The following TMEM132B variants were observed in gnomAD, a reference collection of about 807,000 sequenced individuals.
TMEM132B encodes the protein transmembrane protein 132B.
Under a neutral mutation model 90.8 loss-of-function variants are expected in TMEM132B, and 18 were observed. That is an observed-to-expected ratio of 0.20 (90% CI 0.14 to 0.29). The LOEUF (loss-of-function observed/expected upper bound fraction) is 0.29. TMEM132B is among the 10% of genes least tolerant of loss of function. The pLI, the probability that TMEM132B is intolerant of heterozygous loss-of-function variation, is 1.00. For missense variants in TMEM132B, 1,096 were observed against 1,326.8 expected (o/e 0.83, Z 2.70); for synonymous variants, 504 against 523.3 (o/e 0.96, Z 0.50).
intron 1 of TMEM132B, among the ~76,000 whole-genome samples, chr12:125,346,798 G>A (rs898749072): frequency 1.3e-5 from 2 of 152,326 alleles, no homozygotes; most frequent in Admixed American, 1.3e-4. Context: ...ACTATATCGT[G>A]TGTTTAAATA....
intron 2 of TMEM132B, among the ~76,000 whole-genome samples, chr12:125,385,856 T>C (rs1418668366): frequency 6.6e-6 from 1 of 152,232 alleles, no homozygotes; most frequent in Non-Finnish European, 1.5e-5. Context: ...CCATTGCTTT[T>C]GCACTGACTA....
intron 1 of TMEM132B, among the ~76,000 whole-genome samples, chr12:125,210,696 G>A (rs1873300085): frequency 6.6e-6 from 1 of 152,180 alleles, no homozygotes. Context: ...TGGTGTGGTG[G>A]CTCATGCCTG....
At chr12:125,270,112 T>TTATGTGTG (rs372403246) in intron 1 of TMEM132B, among the ~76,000 whole-genome samples, 1 of 143,144 alleles carries the variant, frequency 7.0e-6, no homozygotes, top group Admixed American at 7.0e-5. Context: ...CACATCTTTG[T>TTATGTGTG]TGTGTGTGTG....
chr12:125,381,255 C>T lies in TMEM132B; in HGVS notation c.959+30912C>T, dbSNP rs151280347. Among the ~76,000 whole-genome samples, 9 of 152,254 alleles carry T rather than the reference C, an allele frequency of 5.9e-5. No individual in the cohort carries two copies. The South Asian group carries it at 1.0e-3, about 18-fold the overall frequency. On this transcript the variant is annotated intron_variant, in intron 2 of 8. Coordinates refer to ENST00000682704, the MANE Select transcript of TMEM132B (RefSeq NM_001366854.1). ...AGACATCTCATGCTGTACAAGTGCA[C>T]GCAAGCTGTGCATGTAGACACAAAG...
chr12:125,608,880 A>G (rs564583568), intron 5 of TMEM132B, among the ~76,000 whole-genome samples: 1 of 152,298 alleles, frequency 6.6e-6, no homozygotes, highest in East Asian at 1.9e-4. Context: ...TGGACCATGA[A>G]TTAGTCTGTT....
chr12:125,498,444 G>T lies in TMEM132B; in HGVS notation c.1107-20995G>T, dbSNP rs1224688522. ...TCAGTCAGTTAAGCAAATAGCTTTT[G>T]TTGGCTGGAGACATCTAACCATGTT... On this transcript the variant is annotated intron_variant, in intron 3 of 8. Coordinates refer to ENST00000682704, the MANE Select transcript of TMEM132B (RefSeq NM_001366854.1). The surrounding 1 kb of genome is among the most constrained non-coding windows in gnomAD (Gnocchi z 4.5). 1.3e-5 allele frequency among the ~76,000 whole-genome samples: 2 copies of T among 152,220 alleles called. No homozygotes were observed. Among genetic ancestry groups the T allele is most frequent in the Non-Finnish European group, 1.5e-5 (1 of 68,044 alleles).
chr12:125,349,425 A>T lies in TMEM132B; in HGVS notation c.68-27A>T. 1 of 1,574,342 alleles carries T rather than the reference A, an allele frequency of 6.4e-7. No individual in the cohort carries two copies. The highest frequency in any genetic ancestry group is 8.6e-7 in the Non-Finnish European group (1 of 1,161,422). On this transcript the variant is annotated intron_variant, in intron 1 of 8. Transcript: ENST00000682704. The surrounding 1 kb of genome is among the most constrained non-coding windows in gnomAD (Gnocchi z 4.1). ...TCATTACATCTCAGAACACGGTTTT[A>T]TTCTTTTGCTTTCCTTTCTTGTGCA... is the stretch of plus-strand genomic sequence containing the variant.
intron 3 of TMEM132B, among the ~76,000 whole-genome samples, chr12:125,517,612 G>T (rs1258953881): frequency 6.6e-6 from 1 of 152,084 alleles, no homozygotes; most frequent in Non-Finnish European, 1.5e-5. Flanking sequence ...GCCCACGGGA[G>T]CCCCTAAACT....
intron 1 of TMEM132B, among the ~76,000 whole-genome samples, chr12:125,215,532 C>T (rs1873413727): frequency 6.6e-6 from 1 of 152,090 alleles, no homozygotes; most frequent in South Asian, 2.1e-4. Flanking sequence ...TCCAACTCTC[C>T]TGCCTCTTTT....
chr12:125,307,404 A>C (rs1875999294), intron 1 of TMEM132B, among the ~76,000 whole-genome samples: 1 of 152,118 alleles, frequency 6.6e-6, no homozygotes, highest in South Asian at 2.1e-4. Flanking sequence ...TTTTTGATTT[A>C]AGTGATTTTC....
chr12:125,329,783 C>T (rs1348474004), intron 1 of TMEM132B, among the ~76,000 whole-genome samples: 1 of 152,162 alleles, frequency 6.6e-6, no homozygotes, highest in Non-Finnish European at 1.5e-5. Flanking sequence ...TGAAAGGAAA[C>T]AACAGGAACA....
Position 125,432,366 on chromosome 12 carries a change from AATATATATATATATATATATAT to A in TMEM132B, c.1106+16700_1106+16721del, listed in dbSNP as rs749081900. 4.2e-4 allele frequency among the ~76,000 whole-genome samples: 5 copies of A among 11,916 alleles called. 2 individuals are homozygous for A. Among genetic ancestry groups the A allele is most frequent in the East Asian group, 2.4e-3 (1 of 418 alleles). The allele number at this position is 11,916 out of a possible 152,430, so 7.8% of individuals were successfully genotyped here. On this transcript the variant is annotated intron_variant, in intron 3 of 8. Transcript: ENST00000682704. Reference sequence around the variant, plus strand: ...GTGAATGGGCCAAGGGAATTCCTTGAATATATATATATATATATATATATATATATATGTATGTATGTGTATA... The same window carrying A: ...GTGAATGGGCCAAGGGAATTCCTTGAATATATATATGTATGTATGTGTATA...
chr12:125,538,013 C>A (rs1031037291), intron 4 of TMEM132B, among the ~76,000 whole-genome samples: 1 of 152,208 alleles, frequency 6.6e-6, no homozygotes, highest in Non-Finnish European at 1.5e-5. Flanking sequence ...CTGCTTCCCC[C>A]ACATGCACGC....
intron 1 of TMEM132B, among the ~76,000 whole-genome samples, chr12:125,256,889 G>A (rs997531504): frequency 1.3e-5 from 2 of 152,176 alleles, no homozygotes; most frequent in Non-Finnish European, 2.9e-5. Flanking sequence ...TGAGAGAACA[G>A]GGGGCTCTTT....
chr12:125,468,300 T>G (rs1476027946), intron 3 of TMEM132B, among the ~76,000 whole-genome samples: 1 of 152,216 alleles, frequency 6.6e-6, no homozygotes, highest in Non-Finnish European at 1.5e-5. Context: ...ATCAAAGCCA[T>G]TTAGTGGGTA....
chr12:125,195,630 C>T (rs1872908090), intron 1 of TMEM132B, among the ~76,000 whole-genome samples: 1 of 152,024 alleles, frequency 6.6e-6, no homozygotes, highest in Admixed American at 6.5e-5. Context: ...GAACTCCTGA[C>T]CTCAGGCAAT....
chr12:125,277,502 A>AAC lies in TMEM132B; in HGVS notation c.68-71924_68-71923dup, dbSNP rs60316781. 0.33 allele frequency among the ~76,000 whole-genome samples: 47,668 copies of AAC among 142,942 alleles called. 7,950 individuals carry two copies. Among genetic ancestry groups the AAC allele is most frequent in the East Asian group, 0.47 (2,307 of 4,946 alleles). The allele number at this position is 142,942 out of a possible 152,430, so 93.8% of individuals were successfully genotyped here. A position where few individuals can be genotyped will look rare whatever the true frequency, so the allele number is the denominator to read the frequency against. On this transcript the variant is annotated intron_variant, in intron 1 of 8. Transcript: ENST00000682704. This position sits in a 1 kb window ranked among gnomAD's most constrained non-coding sequence, Gnocchi z 4.3. ...TCAAAAAAAAAAGATGAAGAGGGAG[A>AAC]ACACACACACACACACACACACACA...
chr12:125,277,149 G>T lies in TMEM132B; in HGVS notation c.68-72303G>T, dbSNP rs1875013225. ...GTCAAGTTAAGATGTGGTCATTAGGGTGGGCCCTAATCCCATATGACTGGT... is the reference window on the plus strand; with the variant it reads ...GTCAAGTTAAGATGTGGTCATTAGGTTGGGCCCTAATCCCATATGACTGGT... On this transcript the variant is annotated intron_variant, in intron 1 of 8. Coordinates refer to ENST00000682704, the MANE Select transcript of TMEM132B (RefSeq NM_001366854.1). The surrounding 1 kb of genome is among the most constrained non-coding windows in gnomAD (Gnocchi z 4.3). 6.6e-6 allele frequency among the ~76,000 whole-genome samples: 1 copy of T among 151,016 alleles called. No homozygotes were observed. The highest frequency in any genetic ancestry group is 1.5e-5 in the Non-Finnish European group (1 of 67,724).
At position 125,333,654 on chromosome 12, in the gene TMEM132B, A is replaced by G. The variant is rs140972565; in HGVS notation, c.68-15798A>G. On this transcript the variant is annotated intron_variant, in intron 1 of 8. Transcript: ENST00000682704. The stretch of plus-strand genomic sequence containing the variant: ...TGGTGAGCTTTAGGATGCAGGTGCT[A>G]GCTAAAGAGAGCAGCAGTGACCCTG... Among the ~76,000 whole-genome samples the G allele has an allele frequency of 1.8e-3, 268 of 152,316 alleles. 3 individuals carry two copies. The East Asian group carries it at 0.037, about 21-fold the overall frequency.
Sources: gnomAD v4.1 joint callset for allele counts (sites outside exome capture counted in the v4.1 genomes callset) on GRCh38, gnomAD v4.1.1 for gene constraint, Gnocchi (gnomAD v3.1) non-coding constraint, MANE v1.5 for transcripts, NCBI Gene and HGNC (gene_info 2026-07-23, HGNC 2026-07-21) for gene names.